Variants in FOXN4 observed in about 807,000 individuals in gnomAD.
The protein encoded by FOXN4 is forkhead box protein N4.
A neutral mutation model predicts 45.0 loss-of-function variants in FOXN4; 12 were observed. The observed-to-expected ratio is 0.27, with a 90% CI of 0.17 to 0.43. The LOEUF is 0.43. Ranked by LOEUF, FOXN4 falls within the 20% of genes least tolerant of loss-of-function variation. The pLI, the probability that FOXN4 is intolerant of heterozygous loss-of-function variation, is 1.00. For synonymous variants in FOXN4, 297 were observed against 295.0 expected (o/e 1.01, Z -0.07); for missense variants, 560 against 694.9 (o/e 0.81, Z 2.18).
At position 109,290,041 on chromosome 12, in the gene FOXN4, G is replaced by A. The variant is rs1158411447; in HGVS notation, c.232+100C>T. On this transcript the variant is annotated intron_variant, in intron 3 of 9. Transcript: ENST00000299162. The surrounding 1 kb of genome is among the most constrained non-coding windows in gnomAD (Gnocchi z 5.1). Reference sequence around the variant, plus strand: ...CAGAAAGAGAGGCCCAGAGAGACTGGGAGACCGGGTCATGGCTGCACAGTG... The same window carrying A: ...CAGAAAGAGAGGCCCAGAGAGACTGAGAGACCGGGTCATGGCTGCACAGTG... 7 of 1,356,496 alleles carry A rather than the reference G, an allele frequency of 5.2e-6. No individual in the cohort carries two copies. The highest frequency in any genetic ancestry group is 6.8e-6 in the Non-Finnish European group (7 of 1,025,534). 84.0% of individuals were successfully genotyped at this position (1,356,496 alleles called of 1,614,324 possible). A position where few individuals can be genotyped will look rare whatever the true frequency, so the allele number is the denominator to read the frequency against.
rs1404626746 is a variant in FOXN4 at position 109,279,676 on chromosome 12, G to A, written c.1549C>T (p.Leu517Phe). The change falls in exon 10 of 10, where the codon CTT (leucine) becomes TTT (phenylalanine). Residue 517 changes from leucine (L) to phenylalanine (F), a missense_variant. Leu to Phe is a conservative substitution (Grantham distance 22, BLOSUM62 0). Coordinates refer to ENST00000299162, the MANE Select transcript of FOXN4 (RefSeq NM_213596.3). ...GAQGNKPIAL[L>F] The stretch of plus-strand genomic sequence containing the variant: ...GGGCAGGTGAGGCTGACAGCTCAAA[G>A]CAGGGCTATAGGCTTGTTCCCCTGT... The A allele has an allele frequency of 1.3e-6, 2 of 1,573,330 alleles. No individual in the cohort carries two copies. Among genetic ancestry groups the A allele is most frequent in the East Asian group, 4.7e-5 (2 of 42,436 alleles).
Position 109,291,197 on chromosome 12 carries a change from A to G in FOXN4, c.87-911T>C, listed in dbSNP as rs1436821123. Among the ~76,000 whole-genome samples, 3 of 152,060 alleles carry G rather than the reference A, an allele frequency of 2.0e-5. No homozygotes were observed. The highest frequency in any genetic ancestry group is 4.4e-5 in the Non-Finnish European group (3 of 67,986). On this transcript the variant is annotated intron_variant, in intron 2 of 9. Transcript: ENST00000299162. The surrounding 1 kb of genome is among the most constrained non-coding windows in gnomAD (Gnocchi z 6.6). ...ATAGCTGCCCATGGAGGTGCCAGAC[A>G]GGTCGGTGATTTGGGATAGCCATGT...
In FOXN4 at chr12:109,290,272, G is replaced by C. The variant is rs200934601; in HGVS notation, c.101C>G (p.Thr34Ser). ...SPQEYRLLAT[T>S]SDDDLPGDLQ... ...GTCCCCGGGAAGGTCATCATCGCTG[G>C]TGGTGGCTAGAAGCCTGCAAAGAGG... The change falls in exon 3 of 10, where the codon ACC (threonine) becomes AGC (serine). Residue 34 changes from threonine to serine, a missense_variant. Coordinates refer to ENST00000299162, the MANE Select transcript of FOXN4 (RefSeq NM_213596.3). This position sits in a 1 kb window ranked among gnomAD's most constrained non-coding sequence, Gnocchi z 5.1. 4,617 of 1,549,690 alleles carry C rather than the reference G, an allele frequency of 3.0e-3. 16 individuals carry two copies. Among genetic ancestry groups the C allele is most frequent in the Non-Finnish European group, 3.8e-3 (4,363 of 1,146,002 alleles).
chr12:109,285,145 T>G, intron 8 of FOXN4, 159 bp downstream of exon 8: 1 of 375,908 alleles, frequency 2.7e-6, no homozygotes. Context: ...TGCGTGTATT[T>G]GTGTGTGTGC....
chr12:109,294,724 G>A (rs2136934706), intron 2 of FOXN4, among the ~76,000 whole-genome samples: 1 of 152,160 alleles, frequency 6.6e-6, no homozygotes, highest in African/African-American at 2.4e-5. Flanking sequence ...AAGGTCCAGG[G>A]GCTGATGCAC....
intron 2 of FOXN4, among the ~76,000 whole-genome samples, chr12:109,295,857 C>T (rs1430157734): frequency 6.6e-6 from 1 of 152,226 alleles, no homozygotes; most frequent in Non-Finnish European, 1.5e-5. Flanking sequence ...CTCCCCTTCT[C>T]TCTTCTTCTG....
At chr12:109,307,492 C>G (rs1036516) in intron 2 of FOXN4, among the ~76,000 whole-genome samples, 91,624 of 151,962 alleles carry the variant, frequency 0.6, 28,932 homozygotes, top group African/African-American at 0.78. Flanking sequence ...AAGCCCTTTC[C>G]CCTTTCTTGG....
chr12:109,307,815 A>G (rs1036515), intron 2 of FOXN4, among the ~76,000 whole-genome samples: 40,630 of 152,156 alleles, frequency 0.27, 5,816 homozygotes, highest in Admixed American at 0.38. Flanking sequence ...AGAACTTAGC[A>G]TATCTGACTA....
chr12:109,285,255 G>A, intron 8 of FOXN4, 49 bp downstream of exon 8: 1 of 1,530,218 alleles, frequency 6.5e-7, no homozygotes, highest in Non-Finnish European at 8.8e-7. Flanking sequence ...GTGTGTGTGT[G>A]TGTGTGTGTG....
At chr12:109,281,324 A>G (rs1203301748) in intron 9 of FOXN4, 83 bp downstream of exon 9, 1 of 1,513,800 alleles carries the variant, frequency 6.6e-7, no homozygotes, top group East Asian at 2.3e-5. Flanking sequence ...TGCAGGCAGT[A>G]CAGTCCTCTC....
chr12:109,295,016 T>C (rs1312421361), intron 2 of FOXN4, among the ~76,000 whole-genome samples: 1 of 152,206 alleles, frequency 6.6e-6, no homozygotes, highest in African/African-American at 2.4e-5. Context: ...TTCTCAGCCA[T>C]AGGCCCTGGG....
chr12:109,298,327 T>C (rs1295669932), intron 2 of FOXN4, among the ~76,000 whole-genome samples: 2 of 141,092 alleles, frequency 1.4e-5, no homozygotes, highest in Admixed American at 7.3e-5. Context: ...TCCTTTTGTT[T>C]CAGGTTTTTT....
rs372728344 is a variant in FOXN4, at chr12:109,281,507, G to T, written c.1194C>A (p.Pro398=). 3 of 1,613,984 alleles carry T rather than the reference G, an allele frequency of 1.9e-6. No homozygotes were observed. Among genetic ancestry groups the T allele is most frequent in the South Asian group, 1.1e-5 (1 of 91,078 alleles). ...PDLSPSPLPH[P]AMGRAPVDFI... ...AGTCTACAGGAGCCCTTCCCATGGC[G>T]GGGTGGGGGAGCGGGCTGGGGCTGA... Residue 398 remains proline (P), a synonymous_variant, in exon 9 of 10, where the codon CCC becomes CCA. Coordinates refer to ENST00000299162, the MANE Select transcript of FOXN4 (RefSeq NM_213596.3).
rs879480256 is a variant in FOXN4 at position 109,291,941 on chromosome 12, CGCCACCCCTCCGGCT to C, written c.87-1670_87-1656del. On this transcript the variant is annotated intron_variant, in intron 2 of 9. Transcript: ENST00000299162. The surrounding 1 kb of genome is among the most constrained non-coding windows in gnomAD (Gnocchi z 6.6). ...GCCCCCCGGCTGCCACCCCTCCGGC[CGCCACCCCTCCGGCT>C]GCCACCCCTCCGGCCTGCTCGTAAC... is the stretch of plus-strand genomic sequence containing the variant. 6.2e-4 allele frequency among the ~76,000 whole-genome samples: 92 copies of C among 149,206 alleles called. No homozygotes were observed. Among genetic ancestry groups the C allele is most frequent in the Admixed American group, 9.9e-4 (15 of 15,164 alleles).
In FOXN4 at chr12:109,302,812, A is replaced by G. The variant is rs114598342; in HGVS notation, c.86+5424T>C. 3.2e-3 allele frequency among the ~76,000 whole-genome samples: 492 copies of G among 152,312 alleles called. 2 individuals carry two copies. The highest frequency in any genetic ancestry group is 0.011 in the African/African-American group (468 of 41,568). ...GCGGCAACTCCGCCCTGATTACAACAAGGTTTCGCCTGCCTTCTTGAGATG... is the reference window on the plus strand; with the variant it reads ...GCGGCAACTCCGCCCTGATTACAACGAGGTTTCGCCTGCCTTCTTGAGATG... On this transcript the variant is annotated intron_variant, in intron 2 of 9. Coordinates refer to ENST00000299162, the MANE Select transcript of FOXN4 (RefSeq NM_213596.3).
intron 8 of FOXN4, 57 bp downstream of exon 8, chr12:109,285,247 G>C (rs2047696192): frequency 2.5e-6 from 3 of 1,210,656 alleles, no homozygotes; most frequent in Admixed American, 2.4e-5. Context: ...CCTCTTCCGT[G>C]TGTGTGTGTG....
At position 109,287,828 on chromosome 12, in the gene FOXN4, CCT is replaced by C; in HGVS notation, c.468+14_468+15del. On this transcript the variant is annotated intron_variant, in intron 5 of 9. Transcript: ENST00000299162. The surrounding 1 kb of genome is among the most constrained non-coding windows in gnomAD (Gnocchi z 4.1). ...TGTCTGCTGCTCAGTCCAGGGCTCCCCTGAGCCCTTGGTACCTGCTGGGCACC... is the reference window on the plus strand; with the variant it reads ...TGTCTGCTGCTCAGTCCAGGGCTCCCGAGCCCTTGGTACCTGCTGGGCACC... 2 of 1,544,040 alleles carry C rather than the reference CCT, an allele frequency of 1.3e-6. No homozygotes were observed. The highest frequency in any genetic ancestry group is 1.7e-6 in the Non-Finnish European group (2 of 1,144,000).
Position 109,287,672 on chromosome 12 carries a change from C to T in FOXN4, c.469-148G>A, listed in dbSNP as rs1354356717. 124 of 1,250,844 alleles carry T rather than the reference C, an allele frequency of 9.9e-5. No homozygotes were observed. Among genetic ancestry groups the T allele is most frequent in the Non-Finnish European group, 1.3e-4 (119 of 921,506 alleles). 77.5% of individuals were successfully genotyped at this position (1,250,844 alleles called of 1,614,324 possible). On this transcript the variant is annotated intron_variant, in intron 5 of 9. Coordinates refer to ENST00000299162, the MANE Select transcript of FOXN4 (RefSeq NM_213596.3). This position sits in a 1 kb window ranked among gnomAD's most constrained non-coding sequence, Gnocchi z 4.1. ...AACCGTCCAGGAAACAATCTTGTCT[C>T]CACTCAGGGCAGGAGTTTTGGGGGA... is the stretch of plus-strand genomic sequence containing the variant.
In FOXN4 at chr12:109,287,915, G is replaced by A; in HGVS notation, c.397C>T (p.Leu133=). The part of the protein sequence containing the change: ...FPVGGQPSSG[L]QDPPHLYSPA... ...GAGTACAGATGCGGCGGGTCCTGCA[G>A]GCCAGATGAGGGCTGGCCCCCCACG... The change falls in exon 5 of 10, where the codon CTG becomes TTG. Residue 133 remains leucine (L), a synonymous_variant. Coordinates refer to ENST00000299162, the MANE Select transcript of FOXN4 (RefSeq NM_213596.3). The surrounding 1 kb of genome is among the most constrained non-coding windows in gnomAD (Gnocchi z 4.1). 2 of 1,549,760 alleles carry A rather than the reference G, an allele frequency of 1.3e-6. No homozygotes were observed. Among genetic ancestry groups the A allele is most frequent in the Non-Finnish European group, 1.7e-6 (2 of 1,146,838 alleles).
Sources: gnomAD v4.1 joint callset for allele counts (sites outside exome capture counted in the v4.1 genomes callset) on GRCh38, gnomAD v4.1.1 for gene constraint, Gnocchi (gnomAD v3.1) non-coding constraint, MANE v1.5 for transcripts, NCBI Gene and HGNC (gene_info 2026-07-23, HGNC 2026-07-21) for gene names.